SLC6A13: variants seen among roughly 807,000 people sequenced by gnomAD.
The protein encoded by SLC6A13 is sodium- and chloride-dependent GABA transporter 2.
SLC6A13 carries 69 observed loss-of-function variants against 72.9 expected under a neutral mutation model. The ratio of observed to expected loss-of-function variants is 0.95; its 90% CI spans 0.78 to 1.16. The LOEUF (loss-of-function observed/expected upper bound fraction) is 1.16. Among genes scored for constraint, SLC6A13 ranks in the 50% most tolerant of loss-of-function variants. The pLI is 0.00. For missense variants in SLC6A13, 735 were observed against 760.5 expected, an observed-to-expected ratio of 0.97 and a Z score of 0.39; for synonymous variants, 303 against 303.0, an observed-to-expected ratio of 1.00 and a Z score of 0.00.
Position 221,482 on chromosome 12 carries a change from G to T in SLC6A13, c.1580C>A (p.Pro527Gln). Reference protein sequence around the residue: ...PLTYNKKYTYPWWGDALGWLL... With the variant: ...PLTYNKKYTYQWWGDALGWLL... ...CCAGCCCAGGGCATCGCCCCACCAC[G>T]GGTACGTGTACTTCTTGTTGTAGGT... Residue 527 changes from proline to glutamine, a missense_variant, in exon 14 of 15, where the codon CCG becomes CAG. Pro to Gln is a moderately conservative substitution (Grantham distance 76). Coordinates refer to ENST00000343164, the MANE Select transcript of SLC6A13 (RefSeq NM_016615.5). 1 of 1,613,722 alleles carries T rather than the reference G, an allele frequency of 6.2e-7. No homozygotes were observed. The highest frequency in any genetic ancestry group is 1.7e-4 in the Middle Eastern group (1 of 6,052).
chr12:244,916 T>C (rs1445604267), intron 2 of SLC6A13, among the ~76,000 whole-genome samples: 3 of 152,214 alleles, frequency 2.0e-5, no homozygotes, highest in Non-Finnish European at 2.9e-5. Context: ...AAGCTAGTAA[T>C]CTGTCTCCTT....
At position 260,007 on chromosome 12, in the gene SLC6A13, G is replaced by GT. The variant is rs1180770877; in HGVS notation, c.45dup (p.Pro16ThrfsTer82). On this transcript the variant is annotated frameshift_variant, in exon 2 of 15. Coordinates refer to ENST00000343164, the MANE Select transcript of SLC6A13 (RefSeq NM_016615.5). LOFTEE classifies it high-confidence loss of function. ...TTCTTTTCCATGACTGGATACACTG[G>GT]TTTTGTCTCTCCATTACTGGTTGTG... is the stretch of plus-strand genomic sequence containing the variant. 5 of 1,614,036 alleles carry GT rather than the reference G, an allele frequency of 3.1e-6. No homozygotes were observed. In the African/African-American group the frequency reaches 6.7e-5, roughly 22 times the overall value.
chr12:253,446 T>G (rs1942625780), intron 2 of SLC6A13: 1 of 152,226 alleles, frequency 6.6e-6, no homozygotes, highest in East Asian at 1.9e-4. Context: ...GAACAGTGCT[T>G]CTTATTTCTC....
chr12:224,659 C>T, intron 9 of SLC6A13, 146 bp from the exon 10 acceptor site: 2 of 638,232 alleles, frequency 3.1e-6, no homozygotes, highest in South Asian at 1.9e-5. Context: ...CACGTCCTCA[C>T]CTAGGAGAAG....
chr12:225,306 G>A (rs1941398476), intron 9 of SLC6A13, among the ~76,000 whole-genome samples: 1 of 152,232 alleles, frequency 6.6e-6, no homozygotes, highest in South Asian at 2.1e-4. Flanking sequence ...CCGTTGCATG[G>A]TACGAGTAGA....
intron 4 of SLC6A13, among the ~76,000 whole-genome samples, chr12:241,614 G>A (rs2137295054): frequency 6.6e-6 from 1 of 152,356 alleles, no homozygotes; most frequent in African/African-American, 2.4e-5. Context: ...CACTGGTTCA[G>A]TGGGACTGCC....
At chr12:224,214 C>A (rs777238513) in intron 10 of SLC6A13, 85 bp from the exon 11 acceptor site, 9 of 1,545,870 alleles carry the variant, frequency 5.8e-6, no homozygotes, top group Non-Finnish European at 8.0e-6. Flanking sequence ...CTCCCAGGAT[C>A]AGCCCTGCCA....
chr12:241,177 G>T (rs528146007), intron 4 of SLC6A13, among the ~76,000 whole-genome samples: 19 of 152,084 alleles, frequency 1.2e-4, no homozygotes, highest in Non-Finnish European at 2.1e-4. Flanking sequence ...GTTGGCAGGC[G>T]CCTGTAATCC....
chr12:242,615 T>C lies in SLC6A13; in HGVS notation c.477A>G (p.Thr159=). ...TGGACCCTTGGGTGAGGACCATACC[T>C]GTGTTCCACTCATGGTAGCAGCCGC... ...PWGGCYHEWN[T]EHCMEFQKTN... The change falls in exon 4 of 15, where the codon ACA becomes ACG. Residue 159 remains threonine (T), a splice_region_variant and synonymous_variant. Coordinates refer to ENST00000343164, the MANE Select transcript of SLC6A13 (RefSeq NM_016615.5). 1 of 1,613,650 alleles carries C rather than the reference T, an allele frequency of 6.2e-7. No homozygotes were observed.
At chr12:239,150 C>G (rs1248023044) in intron 4 of SLC6A13, among the ~76,000 whole-genome samples, 4 of 148,664 alleles carry the variant, frequency 2.7e-5, no homozygotes, top group Admixed American at 2.0e-4. Flanking sequence ...ACATGCTCTA[C>G]CACGTCCACC....
Position 260,039 on chromosome 12 carries a change from A to G in SLC6A13, c.14T>C (p.Val5Ala). MDSR[V>A]SGTTSNGETK... ...CTCTCCATTACTGGTTGTGCCTGAG[A>G]CCCTGCTATCCATCCCACCTGGAAA... Residue 5 changes from valine (V) to alanine (A), a missense_variant, in exon 2 of 15, where the codon GTC (valine) becomes GCC (alanine). By Grantham distance (64) the Val-to-Ala change is moderately conservative. Transcript: ENST00000343164. 6.2e-7 allele frequency: 1 copy of G among 1,613,364 alleles called. No individual in the cohort carries two copies.
At chr12:260,579 A>G (rs890417451) in intron 1 of SLC6A13, among the ~76,000 whole-genome samples, 1 of 152,242 alleles carries the variant, frequency 6.6e-6, no homozygotes, top group Non-Finnish European at 1.5e-5. Context: ...ATAACAGCGA[A>G]AAATCGGAAA....
At chr12:260,808 T>A (rs1049233246) in intron 1 of SLC6A13, among the ~76,000 whole-genome samples, 7 of 152,256 alleles carry the variant, frequency 4.6e-5, no homozygotes, top group Non-Finnish European at 8.8e-5. Flanking sequence ...AGGATAGCCA[T>A]GAAAATGTTT....
intron 1 of SLC6A13, among the ~76,000 whole-genome samples, chr12:260,827 G>C (rs894221991): frequency 6.6e-6 from 1 of 152,108 alleles, no homozygotes; most frequent in African/African-American, 2.4e-5. Context: ...TTTTCTTTCA[G>C]CAGTTGGGTT....
At chr12:261,540 AGCCTCAAGCAAAGTTCAT>A (rs1000776701) in intron 1 of SLC6A13, among the ~76,000 whole-genome samples, 2 of 152,198 alleles carry the variant, frequency 1.3e-5, no homozygotes, top group Non-Finnish European at 2.9e-5. Context: ...CTTTTTTCTA[AGCCTCAAGCAAAGTTCAT>A]GTTAACAGAA....
At chr12:224,178 C>T in intron 10 of SLC6A13, 49 bp from the exon 11 acceptor site, 1 of 1,610,128 alleles carries the variant, frequency 6.2e-7, no homozygotes, top group Non-Finnish European at 8.5e-7. Context: ...TCCCGAGATG[C>T]CCTGTCCATG....
In SLC6A13 at chr12:223,614, C is replaced by T. The variant is rs140567624; in HGVS notation, c.1311+378G>A. The T allele has an allele frequency of 5.1e-4, 164 of 323,564 alleles. 1 individual carries two copies. Among genetic ancestry groups the T allele is most frequent in the Non-Finnish European group, 1.9e-4 (33 of 172,394 alleles). 20.0% of individuals were successfully genotyped at this position (323,564 alleles called of 1,614,324 possible). On this transcript the variant is annotated intron_variant, in intron 11 of 14. Coordinates refer to ENST00000343164, the MANE Select transcript of SLC6A13 (RefSeq NM_016615.5). ...TCTCCCTCCTTCTCCCTTGAGATGCCACAGAATGTCACCCAGCCCCAGGCC... is the reference window on the plus strand; with the variant it reads ...TCTCCCTCCTTCTCCCTTGAGATGCTACAGAATGTCACCCAGCCCCAGGCC...
At chr12:241,434 G>A (rs187957187) in intron 4 of SLC6A13, among the ~76,000 whole-genome samples, 1 of 152,184 alleles carries the variant, frequency 6.6e-6, no homozygotes, top group African/African-American at 2.4e-5. Context: ...AAGAATCCAA[G>A]CAGAACAGCG....
At chr12:262,564 G>C (rs1942961646) in intron 1 of SLC6A13, 2 of 279,524 alleles carry the variant, frequency 7.2e-6, no homozygotes, top group Non-Finnish European at 1.1e-5. Flanking sequence ...TCAATCTAGG[G>C]CTCTCTCTTT....
Sources: gnomAD v4.1 joint callset for allele counts (sites outside exome capture counted in the v4.1 genomes callset) on GRCh38, gnomAD v4.1.1 for gene constraint, MANE v1.5 for transcripts, NCBI Gene and HGNC (gene_info 2026-07-23, HGNC 2026-07-21) for gene names.